Variants in CACNB2 observed in about 807,000 individuals in gnomAD.
CACNB2 encodes calcium voltage-gated channel auxiliary subunit beta 2.
Under a neutral mutation model 73.3 loss-of-function variants are expected in CACNB2, and 42 were observed. The observed-to-expected ratio is 0.57, with a 90% CI of 0.45 to 0.74. CACNB2 has a LOEUF of 0.74. CACNB2 is among the 30% of genes least tolerant of loss of function. The probability of loss-of-function intolerance (pLI) is 0.00; values close to 1 mark genes in which losing one functional copy is unlikely to be tolerated. For synonymous variants in CACNB2, 348 were observed against 310.3 expected (o/e 1.12, Z -1.28); for missense variants, 940 against 853.0 (o/e 1.10, Z -1.27).
intron 2 of CACNB2, among the ~76,000 whole-genome samples, chr10:18,369,834 G>T (rs1043462272): frequency 1.3e-5 from 2 of 152,208 alleles, no homozygotes; most frequent in Admixed American, 6.5e-5. Context: ...TTGAACCTGG[G>T]AGGCAGAGGT....
At chr10:18,443,761 C>G (rs2046595062) in intron 3 of CACNB2, among the ~76,000 whole-genome samples, 1 of 148,486 alleles carries the variant, frequency 6.7e-6, no homozygotes, top group South Asian at 2.1e-4. Flanking sequence ...GTCACCCAGG[C>G]TGGAATGCAG....
At chr10:18,516,845 T>C (rs1463807148) in intron 7 of CACNB2, among the ~76,000 whole-genome samples, 3 of 152,156 alleles carry the variant, frequency 2.0e-5, no homozygotes, top group Non-Finnish European at 2.9e-5. Context: ...AACTGTATTC[T>C]ACCTTGATTG....
At chr10:18,482,036 C>T (rs930808688) in intron 3 of CACNB2, among the ~76,000 whole-genome samples, 1 of 151,976 alleles carries the variant, frequency 6.6e-6, no homozygotes, top group African/African-American at 2.4e-5. Flanking sequence ...ATTACAGGCG[C>T]CTGCCACCAT....
chr10:18,289,151 T>A (rs11013360), intron 2 of CACNB2, among the ~76,000 whole-genome samples: 1 of 151,824 alleles, frequency 6.6e-6, no homozygotes, highest in African/African-American at 2.4e-5. Flanking sequence ...CAACTTTAGT[T>A]GTAATATCAA....
chr10:18,236,871 CTG>C (rs1341922527), intron 2 of CACNB2, among the ~76,000 whole-genome samples: 10 of 152,120 alleles, frequency 6.6e-5, no homozygotes, highest in Non-Finnish European at 1.5e-5. Context: ...CTTTGGGGGA[CTG>C]TTTCAATCTG....
At chr10:18,519,636 T>G (rs983204838) in intron 9 of CACNB2, 2 of 447,600 alleles carry the variant, frequency 4.5e-6, no homozygotes, top group African/African-American at 4.0e-5. Context: ...GGAAACTCCA[T>G]CACCATGTAA....
intron 2 of CACNB2, among the ~76,000 whole-genome samples, chr10:18,343,828 C>A (rs998253607): frequency 3.3e-5 from 5 of 152,154 alleles, no homozygotes; most frequent in African/African-American, 1.2e-4. Flanking sequence ...AAAGCAAATA[C>A]AAACGCTCTA....
At chr10:18,428,885 A>G (rs1003785377) in intron 3 of CACNB2, among the ~76,000 whole-genome samples, 2 of 152,124 alleles carry the variant, frequency 1.3e-5, no homozygotes, top group Non-Finnish European at 2.9e-5. Context: ...CTCCTACTTG[A>G]TTTATATTTT....
At chr10:18,185,585 A>G (rs997603875) in intron 2 of CACNB2, among the ~76,000 whole-genome samples, 2 of 152,214 alleles carry the variant, frequency 1.3e-5, no homozygotes, top group African/African-American at 4.8e-5. Context: ...ACTTGTTTTT[A>G]TATACTAACT....
At chr10:18,535,538 T>C (rs555886277) in intron 11 of CACNB2, among the ~76,000 whole-genome samples, 8 of 152,166 alleles carry the variant, frequency 5.3e-5, no homozygotes, top group Non-Finnish European at 1.0e-4. Flanking sequence ...TCTACTAGGC[T>C]GAGGTGGGAG....
intron 2 of CACNB2, among the ~76,000 whole-genome samples, chr10:18,333,187 C>G (rs1229458998): frequency 1.3e-5 from 2 of 152,062 alleles, no homozygotes; most frequent in African/African-American, 4.8e-5. Context: ...TGCAGTTAGT[C>G]GTAATATGCT....
chr10:18,223,601 GA>G (rs1488593323), intron 2 of CACNB2, among the ~76,000 whole-genome samples: 1 of 151,920 alleles, frequency 6.6e-6, no homozygotes, highest in Admixed American at 6.6e-5. Context: ...TTTACATTAG[GA>G]AACATTTTTT....
chr10:18,424,041 G>T (rs974137802), intron 3 of CACNB2, among the ~76,000 whole-genome samples: 1 of 151,624 alleles, frequency 6.6e-6, no homozygotes, highest in African/African-American at 2.4e-5. Flanking sequence ...GGGATAAAAA[G>T]AAAAAAAACT....
At chr10:18,293,412 A>G (rs968183552) in intron 2 of CACNB2, among the ~76,000 whole-genome samples, 2 of 152,238 alleles carry the variant, frequency 1.3e-5, no homozygotes, top group African/African-American at 4.8e-5. Flanking sequence ...GCACATAAAC[A>G]TTAAAGAAAA....
intron 3 of CACNB2, among the ~76,000 whole-genome samples, chr10:18,420,420 A>C (rs1474527929): frequency 6.6e-6 from 1 of 152,122 alleles, no homozygotes; most frequent in Non-Finnish European, 1.5e-5. Context: ...CCATGATCTG[A>C]TCTGCCAACT....
intron 3 of CACNB2, among the ~76,000 whole-genome samples, chr10:18,414,046 G>A (rs553044463): frequency 6.6e-6 from 1 of 152,342 alleles, no homozygotes; most frequent in Admixed American, 6.5e-5. Context: ...TCACTTGTTG[G>A]TGACTGCTGT....
intron 2 of CACNB2, among the ~76,000 whole-genome samples, chr10:18,243,020 C>CA (rs1457763384): frequency 1.1e-4 from 13 of 113,056 alleles, no homozygotes; most frequent in Admixed American, 2.7e-4. Context: ...AAAAAAAAAA[C>CA]AAAAAAAAGA....
chr10:18,408,947 G>A (rs1296913618), intron 3 of CACNB2, among the ~76,000 whole-genome samples: 1 of 152,064 alleles, frequency 6.6e-6, no homozygotes, highest in African/African-American at 2.4e-5. Flanking sequence ...CGAGCTCCTG[G>A]GCTCAAGTGA....
chr10:18,457,926 A>G (rs2047368290), intron 3 of CACNB2, among the ~76,000 whole-genome samples: 2 of 152,048 alleles, frequency 1.3e-5, no homozygotes, highest in South Asian at 2.1e-4. Context: ...ATGTTTGGAG[A>G]AGTACTAAAT....
Sources: allele counts gnomAD v4.1 joint callset (sites outside exome capture counted in the v4.1 genomes callset), GRCh38; gene constraint gnomAD v4.1.1; transcripts MANE v1.5; gene names NCBI Gene and HGNC (gene_info 2026-07-23, HGNC 2026-07-21).